BMERB1: variants seen among roughly 807,000 people sequenced by gnomAD.
BMERB1 encodes bMERB domain containing 1, also known as bMERB domain-containing protein 1.
In BMERB1, 12 loss-of-function variants were observed where a neutral mutation model predicts 23.6. That is an observed-to-expected ratio of 0.51 (90% CI 0.33 to 0.82). The LOEUF is 0.82. BMERB1 is among the 40% of genes least tolerant of loss of function. The pLI, the probability that BMERB1 is intolerant of heterozygous loss-of-function variation, is 0.03. For synonymous variants in BMERB1, 122 were observed against 96.6 expected (o/e 1.26, Z -1.54); for missense variants, 247 against 255.4 (o/e 0.97, Z 0.22).
chr16:15,565,647 A>C lies in BMERB1; in HGVS notation c.231-2336A>C, dbSNP rs953031604. On this transcript the variant is annotated intron_variant, in intron 2 of 5. Transcript: ENST00000300006. Reference sequence around the variant, plus strand: ...GAGGATCACTTGAGGCCAGGAGTTCAAGACCAACCTGGTAAACAGCAAGAC... The same window carrying C: ...GAGGATCACTTGAGGCCAGGAGTTCCAGACCAACCTGGTAAACAGCAAGAC... Among the ~76,000 whole-genome samples, 6 of 152,282 alleles carry C rather than the reference A, an allele frequency of 3.9e-5. No homozygotes were observed. The East Asian group carries it at 1.2e-3, about 29-fold the overall frequency.
At chr16:15,480,360 CGTCTAG>C (rs1365967880) in intron 1 of BMERB1, among the ~76,000 whole-genome samples, 1 of 151,934 alleles carries the variant, frequency 6.6e-6, no homozygotes, top group Non-Finnish European at 1.5e-5. Context: ...GTGATCCGCC[CGTCTAG>C]GCCTCCCAAA....
chr16:15,507,840 A>G (rs1406432704), intron 1 of BMERB1, among the ~76,000 whole-genome samples: 4 of 152,044 alleles, frequency 2.6e-5, no homozygotes, highest in Non-Finnish European at 5.9e-5. Context: ...TGGACACAAC[A>G]CCCCAACCCA....
intron 3 of BMERB1, among the ~76,000 whole-genome samples, chr16:15,580,668 C>T (rs2030984599): frequency 6.6e-6 from 1 of 151,832 alleles, no homozygotes; most frequent in Admixed American, 6.6e-5. Flanking sequence ...CTGCCTCAGC[C>T]TCCCGAGTAG....
intron 2 of BMERB1, among the ~76,000 whole-genome samples, chr16:15,541,017 G>A (rs1353258552): frequency 6.6e-6 from 1 of 151,898 alleles, no homozygotes; most frequent in Non-Finnish European, 1.5e-5. Context: ...CCACCAGACT[G>A]CCCCTATCTC....
At chr16:15,465,137 A>G (rs1006520407) in intron 1 of BMERB1, among the ~76,000 whole-genome samples, 2 of 152,132 alleles carry the variant, frequency 1.3e-5, no homozygotes, top group Non-Finnish European at 1.5e-5. Flanking sequence ...ACACACACCA[A>G]TGAATTGGAT....
chr16:15,472,024 T>G (rs2150932030), intron 1 of BMERB1, among the ~76,000 whole-genome samples: 1 of 152,378 alleles, frequency 6.6e-6, no homozygotes, highest in South Asian at 2.1e-4. Flanking sequence ...ACCTAGAGAT[T>G]ATTTAGAAGT....
chr16:15,581,352 C>T (rs749025474), intron 4 of BMERB1, 21 bp downstream of exon 4: 3 of 1,591,402 alleles, frequency 1.9e-6, no homozygotes, highest in African/African-American at 1.3e-5. Context: ...TGCGGGTACC[C>T]GATCACTGGG....
chr16:15,583,647 TTCTAGAGATCAGA>T (rs1030451862), intron 5 of BMERB1, among the ~76,000 whole-genome samples: 5 of 151,724 alleles, frequency 3.3e-5, no homozygotes, highest in South Asian at 2.1e-4. Flanking sequence ...ACAAAATGCT[TTCTAGAGATCAGA>T]TCTAGAGATC....
intron 1 of BMERB1, among the ~76,000 whole-genome samples, chr16:15,504,290 C>T (rs964074966): frequency 6.6e-6 from 1 of 152,120 alleles, no homozygotes; most frequent in Non-Finnish European, 1.5e-5. Flanking sequence ...ATCTATTTTG[C>T]AAATGTAACA....
chr16:15,496,310 A>G (rs1027703525), intron 1 of BMERB1, among the ~76,000 whole-genome samples: 1 of 152,142 alleles, frequency 6.6e-6, no homozygotes, highest in African/African-American at 2.4e-5. Context: ...ACATTCACCA[A>G]GTCCTCACTG....
rs140173619 is a variant in BMERB1 at position 15,544,909 on chromosome 16, A to C, written c.231-23074A>C. Reference sequence around the variant, plus strand: ...TTCCTGACAACATCCAATCCAGAGTAAATGCTCACTTCCTTTAAACTGTCC... The same window carrying C: ...TTCCTGACAACATCCAATCCAGAGTCAATGCTCACTTCCTTTAAACTGTCC... On this transcript the variant is annotated intron_variant, in intron 2 of 5. Coordinates refer to ENST00000300006, the MANE Select transcript of BMERB1 (RefSeq NM_033201.3). 7.2e-5 allele frequency among the ~76,000 whole-genome samples: 11 copies of C among 152,338 alleles called. No individual in the cohort carries two copies. The East Asian group carries it at 1.9e-3, about 27-fold the overall frequency.
At chr16:15,441,671 C>T (rs1188433791) in intron 1 of BMERB1, among the ~76,000 whole-genome samples, 1 of 152,096 alleles carries the variant, frequency 6.6e-6, no homozygotes, top group Admixed American at 6.6e-5. Context: ...AGCCACGATG[C>T]CCAGCAGCCC....
At chr16:15,516,694 A>G (rs766944029) in intron 2 of BMERB1, among the ~76,000 whole-genome samples, 1 of 150,482 alleles carries the variant, frequency 6.6e-6, no homozygotes, top group Non-Finnish European at 1.5e-5. Flanking sequence ...CACAACACCA[A>G]GAGGCTGAGT....
chr16:15,564,101 C>T, intron 2 of BMERB1, among the ~76,000 whole-genome samples: 1 of 152,216 alleles, frequency 6.6e-6, no homozygotes, highest in East Asian at 1.9e-4. Flanking sequence ...TGTAGCCAGC[C>T]TGAGGCCCAT....
At chr16:15,563,345 G>T (rs565781768) in intron 2 of BMERB1, among the ~76,000 whole-genome samples, 1 of 151,972 alleles carries the variant, frequency 6.6e-6, no homozygotes, top group African/African-American at 2.4e-5. Flanking sequence ...TCAGCCTCCC[G>T]AGTAGCTGGG....
At chr16:15,463,851 T>C (rs917521403) in intron 1 of BMERB1, among the ~76,000 whole-genome samples, 19 of 149,780 alleles carry the variant, frequency 1.3e-4, no homozygotes, top group Admixed American at 1.2e-3. Context: ...TCAAGCAAAA[T>C]TGGGGTTCTT....
intron 2 of BMERB1, among the ~76,000 whole-genome samples, chr16:15,558,373 A>G (rs2030325560): frequency 6.6e-6 from 1 of 152,102 alleles, no homozygotes; most frequent in Non-Finnish European, 1.5e-5. Context: ...AGGTGATTGG[A>G]GGCAAGGAAA....
At chr16:15,439,661 A>G (rs1465410038) in intron 1 of BMERB1, among the ~76,000 whole-genome samples, 3 of 152,184 alleles carry the variant, frequency 2.0e-5, no homozygotes, top group African/African-American at 7.2e-5. Context: ...CACCTTCAAC[A>G]GCGTTTTTCC....
In BMERB1 at chr16:15,587,053, C is replaced by T. The variant is rs918097777; in HGVS notation, c.*224C>T. The stretch of plus-strand genomic sequence containing the variant: ...TCGCATGGTCCTCCCCAGAGCATGC[C>T]GAACCCAGGAGTCTGTCTCACTGTT... On this transcript the variant is annotated 3_prime_UTR_variant, in exon 6 of 6. Transcript: ENST00000300006. 13 of 521,640 alleles carry T rather than the reference C, an allele frequency of 2.5e-5. No individual in the cohort carries two copies. The highest frequency in any genetic ancestry group is 1.2e-4 in the African/African-American group (6 of 51,652). The allele number at this position is 521,640 out of a possible 1,614,324, so 32.3% of individuals were successfully genotyped here. A position where few individuals can be genotyped will look rare whatever the true frequency, so the allele number is the denominator to read the frequency against.
Sources: gnomAD v4.1 joint callset for allele counts (sites outside exome capture counted in the v4.1 genomes callset) on GRCh38, gnomAD v4.1.1 for gene constraint, MANE v1.5 for transcripts, NCBI Gene and HGNC (gene_info 2026-07-23, HGNC 2026-07-21) for gene names.